The following GPR19 variants were observed in gnomAD, a reference collection of about 807,000 sequenced individuals.
GPR19 encodes probable G protein-coupled receptor 19.
Under a neutral mutation model 28.5 loss-of-function variants are expected in GPR19, and 14 were observed. That is an observed-to-expected ratio of 0.49 (90% CI 0.32 to 0.77). GPR19 has a LOEUF of 0.77. Ranked by LOEUF, GPR19 falls within the 30% of genes least tolerant of loss-of-function variation. GPR19 has a pLI of 0.03. For missense variants in GPR19, 409 were observed against 504.1 expected (o/e 0.81, Z 1.81); for synonymous variants, 173 against 184.1 (o/e 0.94, Z 0.49).
At chr12:12,706,666 C>T in the GPR19 span, among the ~76,000 whole-genome samples, 6 of 152,166 alleles carry the variant, frequency 3.9e-5, no homozygotes, top group East Asian at 1.2e-3. Context: ...AGCAACTGGT[C>T]ATACCTTTCT....
the GPR19 span, chr12:12,716,873 G>C: frequency 1.0e-6 from 1 of 984,466 alleles, no homozygotes; most frequent in Non-Finnish European, 1.2e-6. Context: ...AACGCTCCGC[G>C]GCCTCCCCCG....
the GPR19 span, among the ~76,000 whole-genome samples, chr12:12,713,559 GTCTCACTCTGTCT>G: frequency 2.6e-5 from 4 of 151,576 alleles, no homozygotes; most frequent in African/African-American, 9.7e-5. Context: ...GTGAGATGGA[GTCTCACTCTGTCT>G]TCCAGGCTGG....
the GPR19 span, among the ~76,000 whole-genome samples, chr12:12,707,989 CTTTTTTTTTTTTTTT>C: frequency 0.3 from 19,123 of 63,524 alleles, 1,886 homozygotes; most frequent in Middle Eastern, 0.42. Context: ...ATTTCCTATT[CTTTTTTTTTTTTTTT>C]TTTTTTTTTT....
intron 3 of GPR19, among the ~76,000 whole-genome samples, chr12:12,683,338 T>C (rs368655075): frequency 6.6e-6 from 1 of 152,240 alleles, no homozygotes; most frequent in Non-Finnish European, 1.5e-5. Context: ...TTCAATCTTC[T>C]AGTAGCGTCA....
intron 3 of GPR19, among the ~76,000 whole-genome samples, chr12:12,680,735 C>G (rs933205654): frequency 6.6e-6 from 1 of 152,008 alleles, no homozygotes; most frequent in African/African-American, 2.4e-5. Flanking sequence ...GTCACCCAGG[C>G]TGGAGAGCAG....
At chr12:12,677,505 T>G (rs6488543) in intron 3 of GPR19, among the ~76,000 whole-genome samples, 143,372 of 152,064 alleles carry the variant, frequency 0.94, 68,150 homozygotes, top group East Asian at 1. Context: ...TTGAACTCCT[T>G]GCCTCAAGTG....
intron 2 of GPR19, among the ~76,000 whole-genome samples, chr12:12,687,554 C>A (rs1946114606): frequency 6.6e-6 from 1 of 152,230 alleles, no homozygotes; most frequent in Admixed American, 6.5e-5. Flanking sequence ...CCATCTTACA[C>A]AGATTGCTGA....
chr12:12,690,952 G>C (rs1294058991), intron 2 of GPR19, among the ~76,000 whole-genome samples: 1 of 152,108 alleles, frequency 6.6e-6, no homozygotes, highest in Non-Finnish European at 1.5e-5. Flanking sequence ...TTCTGCATTC[G>C]AGTCTTAACC....
intron 3 of GPR19, among the ~76,000 whole-genome samples, chr12:12,667,759 C>T (rs1209480307): frequency 6.6e-6 from 1 of 151,152 alleles, no homozygotes; most frequent in East Asian, 1.9e-4. Context: ...CCTGGGGCAC[C>T]TGGGAGGAGA....
chr12:12,696,973 CA>C (rs549506009), upstream of GPR19, among the ~76,000 whole-genome samples: 107 of 152,036 alleles, frequency 7.0e-4, no homozygotes, highest in African/African-American at 2.5e-3. Context: ...CCACCCTAAC[CA>C]GAACTAAAAA....
upstream of GPR19, among the ~76,000 whole-genome samples, chr12:12,696,391 T>G (rs1946263693): frequency 7.4e-6 from 1 of 134,962 alleles, no homozygotes; most frequent in African/African-American, 2.8e-5. Context: ...CCCAGTGGAT[T>G]AGGATTAGTG....
chr12:12,665,356 G>C (rs1409172067), intron 3 of GPR19, among the ~76,000 whole-genome samples: 1 of 152,158 alleles, frequency 6.6e-6, no homozygotes, highest in Non-Finnish European at 1.5e-5. Context: ...CCATGAGTCT[G>C]TCTGCCCATT....
Position 12,676,984 on chromosome 12 carries a change from G to C in GPR19, c.-23+7367C>G, listed in dbSNP as rs537257301. ...TAAAGTCAAAGCAAAGAACAACGAAGTAGTTGAGATTTACAGCTATTTGAA... is the reference window on the plus strand; with the variant it reads ...TAAAGTCAAAGCAAAGAACAACGAACTAGTTGAGATTTACAGCTATTTGAA... On this transcript the variant is annotated intron_variant, in intron 3 of 3. Transcript: ENST00000651487. 2.4e-4 allele frequency among the ~76,000 whole-genome samples: 37 copies of C among 152,312 alleles called. No individual in the cohort carries two copies. In the East Asian group the frequency reaches 5.8e-3, roughly 24 times the overall value.
At position 12,665,819 on chromosome 12, in the gene GPR19, C is replaced by CAAAAAAAA. The variant is rs528302150; in HGVS notation, c.-22-3357_-22-3350dup. 7.1e-4 allele frequency among the ~76,000 whole-genome samples: 54 copies of CAAAAAAAA among 75,728 alleles called. 4 individuals carry two copies. The highest frequency in any genetic ancestry group is 1.9e-3 in the Admixed American group (8 of 4,256). The allele number at this position is 75,728 out of a possible 152,430, so 49.7% of individuals were successfully genotyped here. ...TGGGGCACAAAGCCAGACTCCGTCT[C>CAAAAAAAA]AAAAAAAAAAAAAAAAAAAAAAAAA... On this transcript the variant is annotated intron_variant, in intron 3 of 3. Transcript: ENST00000651487.
the GPR19 span, among the ~76,000 whole-genome samples, chr12:12,704,825 T>G: frequency 3.9e-5 from 6 of 152,172 alleles, no homozygotes; most frequent in Admixed American, 3.3e-4. Flanking sequence ...GTAGTCTATC[T>G]CATTACTAAT....
Position 12,661,131 on chromosome 12 carries a change from G to T in GPR19, c.*70C>A, listed in dbSNP as rs1592248838. The T allele has an allele frequency of 5.6e-6, 6 of 1,071,846 alleles. No individual in the cohort carries two copies. The highest frequency in any genetic ancestry group is 8.0e-6 in the Non-Finnish European group (6 of 752,648). The allele number at this position is 1,071,846 out of a possible 1,614,324, so 66.4% of individuals were successfully genotyped here. Reference sequence around the variant, plus strand: ...TGGAAAGTTGAGTGAAAACAAATATGTAAATAGCTTCTGTTTTTATAGTTA... The same window carrying T: ...TGGAAAGTTGAGTGAAAACAAATATTTAAATAGCTTCTGTTTTTATAGTTA... On this transcript the variant is annotated 3_prime_UTR_variant, in exon 4 of 4. Coordinates refer to ENST00000651487, the MANE Select transcript of GPR19 (RefSeq NM_006143.3). The surrounding 1 kb of genome is among the most constrained non-coding windows in gnomAD (Gnocchi z 4.2).
chr12:12,695,782 T>C (rs111781573), intron 1 of GPR19, among the ~76,000 whole-genome samples: 42 of 152,336 alleles, frequency 2.8e-4, no homozygotes, highest in African/African-American at 9.9e-4. Flanking sequence ...TCAACTTCTT[T>C]CTAGTCTGGC....
intron 3 of GPR19, among the ~76,000 whole-genome samples, chr12:12,678,587 C>T (rs1281555494): frequency 6.6e-6 from 1 of 152,180 alleles, no homozygotes; most frequent in East Asian, 1.9e-4. Context: ...CTAATGAGCA[C>T]TTTTCTTGAT....
chr12:12,681,001 A>G (rs1373466984), intron 3 of GPR19, among the ~76,000 whole-genome samples: 3 of 151,628 alleles, frequency 2.0e-5, no homozygotes, highest in East Asian at 3.9e-4. Context: ...AGGTCTCCCT[A>G]TGTTTAGGCT....
Sources: allele counts gnomAD v4.1 joint callset (sites outside exome capture counted in the v4.1 genomes callset), GRCh38; gene constraint gnomAD v4.1.1; non-coding constraint Gnocchi (gnomAD v3.1); transcripts MANE v1.5; gene names NCBI Gene and HGNC (gene_info 2026-07-23, HGNC 2026-07-21).